The following ZNF385D variants were observed in gnomAD, a reference collection of about 807,000 sequenced individuals.
ZNF385D encodes the protein zinc finger protein 385D.
In ZNF385D, 15 loss-of-function variants were observed where a neutral mutation model predicts 35.8. The observed-to-expected ratio is 0.42, with a 90% confidence interval of 0.28 to 0.64. ZNF385D has a LOEUF of 0.64. ZNF385D is among the 30% of genes least tolerant of loss of function. The pLI is 0.23. For synonymous variants in ZNF385D, 212 were observed against 186.8 expected (o/e 1.13, Z -1.10); for missense variants, 474 against 494.6 (o/e 0.96, Z 0.39).
At chr3:21,733,017 T>C (rs2125495640) in intron 1 of ZNF385D, among the ~76,000 whole-genome samples, 1 of 152,320 alleles carries the variant, frequency 6.6e-6, no homozygotes, top group Admixed American at 6.5e-5. Context: ...AGTTTTATAG[T>C]TTTGCATTTT....
chr3:21,682,784 C>T (rs2066959799), intron 1 of ZNF385D, among the ~76,000 whole-genome samples: 1 of 149,368 alleles, frequency 6.7e-6, no homozygotes, highest in South Asian at 2.1e-4. Flanking sequence ...GCTTTGTGAG[C>T]TATCAGTTCT....
intron 2 of ZNF385D, among the ~76,000 whole-genome samples, chr3:22,324,662 A>C (rs374260618): frequency 5.3e-5 from 8 of 152,202 alleles, no homozygotes; most frequent in African/African-American, 1.7e-4. Context: ...TCTCAACAGT[A>C]TTTTAAAATA....
At chr3:21,873,340 C>A (rs1436053420) in intron 3 of ZNF385D, among the ~76,000 whole-genome samples, 1 of 152,046 alleles carries the variant, frequency 6.6e-6, no homozygotes, top group Non-Finnish European at 1.5e-5. Flanking sequence ...AAATAAATCT[C>A]ATCAATTTAA....
chr3:21,819,581 C>T (rs965629166), intron 3 of ZNF385D, among the ~76,000 whole-genome samples: 8 of 148,340 alleles, frequency 5.4e-5, no homozygotes, highest in Non-Finnish European at 1.5e-5. Flanking sequence ...TATATGTACA[C>T]ATATGTGCTA....
intron 1 of ZNF385D, among the ~76,000 whole-genome samples, chr3:21,682,205 GT>G (rs2066935085): frequency 6.6e-6 from 1 of 151,758 alleles, no homozygotes; most frequent in Middle Eastern, 3.4e-3. Flanking sequence ...AGGTTGGTTT[GT>G]TTTTAGTTTA....
chr3:22,192,473 G>A (rs1463228116), intron 2 of ZNF385D, among the ~76,000 whole-genome samples: 1 of 152,098 alleles, frequency 6.6e-6, no homozygotes, highest in Non-Finnish European at 1.5e-5. Context: ...GATGGTGTGT[G>A]ACTCCTCAGG....
chr3:21,459,348 G>A (rs540593575), intron 4 of ZNF385D: 21 of 152,186 alleles, frequency 1.4e-4, no homozygotes, highest in African/African-American at 5.1e-4. Context: ...CCCAGATGGT[G>A]AATCTCAAAA....
At chr3:21,503,166 T>C (rs901014681) in intron 4 of ZNF385D, among the ~76,000 whole-genome samples, 6 of 152,142 alleles carry the variant, frequency 3.9e-5, no homozygotes, top group Non-Finnish European at 8.8e-5. Context: ...AAAGAAAATA[T>C]GCATCACTGA....
At chr3:22,050,472 G>A (rs1360597417) in intron 3 of ZNF385D, among the ~76,000 whole-genome samples, 1 of 152,082 alleles carries the variant, frequency 6.6e-6, no homozygotes, top group African/African-American at 2.4e-5. Flanking sequence ...ATCAGATCCT[G>A]GGCTTTCCTT....
chr3:21,564,522 A>G (rs1020590250), intron 3 of ZNF385D, 52 bp downstream of exon 3: 35 of 1,190,386 alleles, frequency 2.9e-5, no homozygotes, highest in Non-Finnish European at 4.1e-5. Flanking sequence ...GCAAGATTAG[A>G]ACAGCAAAAT....
chr3:21,923,116 G>A (rs922625845), intron 3 of ZNF385D, among the ~76,000 whole-genome samples: 4 of 152,100 alleles, frequency 2.6e-5, no homozygotes, highest in Non-Finnish European at 5.9e-5. Flanking sequence ...CATGTGCCAT[G>A]TTGGTGTGCT....
chr3:22,170,040 T>C (rs1279293857), intron 2 of ZNF385D, among the ~76,000 whole-genome samples: 1 of 152,196 alleles, frequency 6.6e-6, no homozygotes, highest in Non-Finnish European at 1.5e-5. Context: ...TAATAATACC[T>C]CATTTCTAAG....
intron 3 of ZNF385D, among the ~76,000 whole-genome samples, chr3:21,842,778 A>C (rs908605921): frequency 2.0e-5 from 3 of 152,066 alleles, no homozygotes; most frequent in African/African-American, 7.2e-5. Flanking sequence ...TCTACCTTTG[A>C]TTTGCTATCA....
chr3:21,712,869 T>C (rs144979668), intron 1 of ZNF385D, among the ~76,000 whole-genome samples: 1 of 152,318 alleles, frequency 6.6e-6, no homozygotes, highest in East Asian at 1.9e-4. Context: ...CCTTCTCCAT[T>C]TATCCCCTGA....
At chr3:21,933,897 G>A (rs1264606671) in intron 3 of ZNF385D, among the ~76,000 whole-genome samples, 1 of 151,748 alleles carries the variant, frequency 6.6e-6, no homozygotes, top group African/African-American at 2.4e-5. Flanking sequence ...TCATAAGACT[G>A]CCAGGAACAT....
intron 3 of ZNF385D, among the ~76,000 whole-genome samples, chr3:22,132,382 A>C (rs1456473989): frequency 6.6e-6 from 1 of 152,164 alleles, no homozygotes; most frequent in African/African-American, 2.4e-5. Context: ...AACTGAGATA[A>C]ATACATTTCT....
chr3:21,820,206 T>C (rs1219243005), intron 3 of ZNF385D, among the ~76,000 whole-genome samples: 3 of 151,862 alleles, frequency 2.0e-5, no homozygotes, highest in Admixed American at 6.6e-5. Context: ...GATTGATATT[T>C]ATTCTAGTCA....
In ZNF385D at chr3:22,100,844, TA is replaced by T. The variant is rs951264966; in HGVS notation, c.325+67972del. ...AACTTAAAGTATAATAATATTAAAA[TA>T]AAAAAAAGAAAATCACATAAAAAAT... On this transcript the variant is annotated intron_variant, in intron 3 of 5. Coordinates refer to the ZNF385D transcript ENST00000494108. 2.3e-3 allele frequency among the ~76,000 whole-genome samples: 339 copies of T among 150,444 alleles called. 2 individuals are homozygous for T. Among genetic ancestry groups the T allele is most frequent in the African/African-American group, 7.6e-3 (313 of 40,974 alleles).
At chr3:21,835,707 G>C (rs985125038) in intron 3 of ZNF385D, among the ~76,000 whole-genome samples, 1 of 152,000 alleles carries the variant, frequency 6.6e-6, no homozygotes, top group Admixed American at 6.6e-5. Context: ...ACTTGGAACT[G>C]TATTGTTATG....
Sources: allele counts gnomAD v4.1 joint callset (sites outside exome capture counted in the v4.1 genomes callset), GRCh38; gene constraint gnomAD v4.1.1; transcripts MANE v1.5; gene names NCBI Gene and HGNC (gene_info 2026-07-23, HGNC 2026-07-21).